ZNF799: variants seen among roughly 807,000 people sequenced by gnomAD.
ZNF799 encodes the protein zinc finger protein 14.
A neutral mutation model predicts 41.0 loss-of-function variants in ZNF799; 28 were observed. The ratio of observed to expected loss-of-function variants is 0.68; its 90% CI spans 0.51 to 0.94. The LOEUF is 0.94. Among genes scored for constraint, ZNF799 ranks in the 40% least tolerant of loss-of-function variants. The pLI is 0.00. For synonymous variants in ZNF799, 213 were observed against 252.9 expected (o/e 0.84, Z 1.50); for missense variants, 716 against 764.3 (o/e 0.94, Z 0.74).
At position 12,391,900 on chromosome 19, in the gene ZNF799, C is replaced by A. The variant is rs2144887725; in HGVS notation, c.498G>T (p.Lys166Asn). Reference sequence around the variant, plus strand: ...CACATTCTTTACAATTATATGGTTTCTTTCCAGTGTGAAGCCTCTCATGTG... The same window carrying A: ...CACATTCTTTACAATTATATGGTTTATTTCCAGTGTGAAGCCTCTCATGTG... ...LQTHERLHTG[K>N]KPYNCKECGK... is the part of the protein sequence containing the mutation. The change falls in exon 4 of 4, where the codon AAG becomes AAT. Residue 166 changes from lysine to asparagine, a missense_variant. This residue lies in a region of ZNF799 where 698 missense variants were observed against 713.6 expected (regional missense o/e 0.98). Coordinates refer to ENST00000430385, the MANE Select transcript of ZNF799 (RefSeq NM_001080821.3). 1.2e-6 allele frequency: 2 copies of A among 1,614,188 alleles called. No individual in the cohort carries two copies. Among genetic ancestry groups the A allele is most frequent in the Non-Finnish European group, 8.5e-7 (1 of 1,180,032 alleles).
At position 12,391,137 on chromosome 19, in the gene ZNF799, A is replaced by G. The variant is rs1464410955; in HGVS notation, c.1261T>C (p.Tyr421His). 2 of 1,614,202 alleles carry G rather than the reference A, an allele frequency of 1.2e-6. No individual in the cohort carries two copies. The highest frequency in any genetic ancestry group is 4.5e-5 in the East Asian group (2 of 44,888). Residue 421 changes from tyrosine (Y) to histidine (H), a missense_variant, in exon 4 of 4, where the codon TAT (tyrosine) becomes CAT (histidine). Transcript: ENST00000430385. ...HEKTHTAEKP[Y>H]KCKQCGKAYR... is the part of the protein sequence containing the mutation. ...GCTTTGCCACATTGTTTACATTTAT[A>G]GGGTTTCTCTGCAGTGTGAGTCTTT...
chr19:12,391,916 C>T lies in ZNF799; in HGVS notation c.482G>A (p.Arg161Lys), dbSNP rs779035591. 1.9e-6 allele frequency: 3 copies of T among 1,614,182 alleles called. No homozygotes were observed. The highest frequency in any genetic ancestry group is 2.2e-5 in the East Asian group (1 of 44,888). The change falls in exon 4 of 4, where the codon AGG (arginine) becomes AAG (lysine). Residue 161 changes from arginine (R) to lysine (K), a missense_variant. Arg to Lys is a conservative substitution (Grantham distance 26). Coordinates refer to ENST00000430385, the MANE Select transcript of ZNF799 (RefSeq NM_001080821.3). ...SYHNSLQTHE[R>K]LHTGKKPYNC... ...ATATGGTTTCTTTCCAGTGTGAAGC[C>T]TCTCATGTGTTTGAAGTGAGTTGTG... is the stretch of plus-strand genomic sequence containing the variant.
chr19:12,401,282 A>G (rs1969982067), upstream of ZNF799: 3 of 1,356,204 alleles, frequency 2.2e-6, no homozygotes, highest in East Asian at 7.6e-5. Flanking sequence ...AGTTCCCACG[A>G]ACCCGCCCCA....
chr19:12,394,473 G>A lies in ZNF799; in HGVS notation c.4-1050C>T, dbSNP rs552171005. The A allele has an allele frequency of 4.7e-5, 30 of 640,432 alleles. No homozygotes were observed. The South Asian group carries it at 1.1e-3, about 22-fold the overall frequency. The allele number at this position is 640,432 out of a possible 1,614,324, so 39.7% of individuals were successfully genotyped here. ...ACTTTCTGGGTAGATAACATTTCAC[G>A]TTTTGTTGCAACTTGTTATTTGGGG... On this transcript the variant is annotated intron_variant, in intron 1 of 3. Coordinates refer to ENST00000430385, the MANE Select transcript of ZNF799 (RefSeq NM_001080821.3).
intron 1 of ZNF799, chr19:12,400,694 A>G (rs1969965740): frequency 6.9e-6 from 3 of 433,704 alleles, no homozygotes; most frequent in Non-Finnish European, 1.2e-5. Flanking sequence ...AGGGAGGCGG[A>G]TCTGGGGTGT....
Position 12,400,629 on chromosome 19 carries a change from C to T in ZNF799, c.3+439G>A, listed in dbSNP as rs1969964209. On this transcript the variant is annotated intron_variant, in intron 1 of 3. Transcript: ENST00000430385. ...TGTCCCAGGATTCACCCCTCACTTC[C>T]CCACCAACCAACGACCCTACACCCA... 3.0e-5 allele frequency: 8 copies of T among 268,184 alleles called. No individual in the cohort carries two copies. The South Asian group carries it at 4.2e-4, about 14-fold the overall frequency. The allele number at this position is 268,184 out of a possible 1,614,324, so 16.6% of individuals were successfully genotyped here.
intron 1 of ZNF799, among the ~76,000 whole-genome samples, chr19:12,400,126 A>C (rs1599609430): frequency 6.6e-6 from 1 of 152,250 alleles, no homozygotes; most frequent in African/African-American, 2.4e-5. Context: ...CCCTAGGAGG[A>C]GTCAGGATGA....
intron 1 of ZNF799, among the ~76,000 whole-genome samples, chr19:12,398,575 T>C (rs1969933273): frequency 6.6e-6 from 1 of 152,208 alleles, no homozygotes; most frequent in Non-Finnish European, 1.5e-5. Context: ...AAAATAATTA[T>C]ATTTTACTTC....
At position 12,391,757 on chromosome 19, in the gene ZNF799, A is replaced by G. The variant is rs8102416; in HGVS notation, c.641T>C (p.Met214Thr). The G allele has an allele frequency of 0.011, 18,268 of 1,613,990 alleles. 1,649 individuals carry two copies. In the African/African-American group the frequency reaches 0.21, roughly 18 times the overall value. ...CTCTCCAGTGTGCGTTCTCTCATGC[A>G]TATGTAATAAACTGGGCCAAAAAAA... The part of the protein sequence containing the change: ...KAFFWPSLLH[M>T]HERTHTGEKP... Residue 214 changes from methionine (M) to threonine (T), a missense_variant, in exon 4 of 4, where the codon ATG (methionine) becomes ACG (threonine). Around this residue, in one of 2 missense-constraint regions of ZNF799, gnomAD observed 698 missense variants for 713.6 expected, o/e 0.98. Transcript: ENST00000430385.
chr19:12,407,101 G>A, the ZNF799 span, among the ~76,000 whole-genome samples: 11 of 152,118 alleles, frequency 7.2e-5, no homozygotes, highest in African/African-American at 2.7e-4. Flanking sequence ...ATGAGAGAAT[G>A]TGTGACTGGT....
At chr19:12,394,541 G>T in intron 1 of ZNF799, 1 of 974,060 alleles carries the variant, frequency 1.0e-6, no homozygotes, top group South Asian at 4.8e-5. Flanking sequence ...GAGAATATTT[G>T]GAAGCTGGCA....
At chr19:12,400,921 G>C (rs1043889744) in intron 1 of ZNF799, 147 bp downstream of exon 1, 1 of 1,457,282 alleles carries the variant, frequency 6.9e-7, no homozygotes, top group African/African-American at 1.4e-5. Context: ...GCCCCACCCT[G>C]CGGCCGAGGG....
intron 2 of ZNF799, among the ~76,000 whole-genome samples, chr19:12,392,927 T>C (rs1969846379): frequency 6.6e-6 from 1 of 152,248 alleles, no homozygotes; most frequent in African/African-American, 2.4e-5. Context: ...ATGAAAACCT[T>C]TCTGATGATG....
upstream of ZNF799, among the ~76,000 whole-genome samples, chr19:12,401,569 C>CGAGAGAGAGG (rs1555762547): frequency 6.4e-5 from 5 of 78,458 alleles, no homozygotes; most frequent in African/African-American, 2.7e-4. Context: ...TTTTTTTTTC[C>CGAGAGAGAGG]GAGAGAGAGA....
chr19:12,413,319 A>G, the ZNF799 span, among the ~76,000 whole-genome samples: 1 of 152,186 alleles, frequency 6.6e-6, no homozygotes, highest in African/African-American at 2.4e-5. Context: ...CCCTTCTCCT[A>G]AAGGTTCTTA....
intron 1 of ZNF799, among the ~76,000 whole-genome samples, chr19:12,397,036 A>G (rs1179804732): frequency 6.6e-6 from 1 of 152,280 alleles, no homozygotes; most frequent in East Asian, 1.9e-4. Context: ...CCTATTGGAT[A>G]TCATAAAGGT....
the ZNF799 span, among the ~76,000 whole-genome samples, chr19:12,407,683 G>A: frequency 6.6e-6 from 1 of 152,130 alleles, no homozygotes; most frequent in African/African-American, 2.4e-5. Flanking sequence ...AATGTATTGG[G>A]TAGTTTAGCT....
upstream of ZNF799, among the ~76,000 whole-genome samples, chr19:12,401,541 C>CTTTT (rs769048606): frequency 9.6e-5 from 4 of 41,744 alleles, no homozygotes; most frequent in African/African-American, 4.3e-4. Context: ...AACAATTATA[C>CTTTT]TTTTTTTTTT....
chr19:12,394,646 T>C, intron 1 of ZNF799: 3 of 985,292 alleles, frequency 3.0e-6, no homozygotes, highest in Non-Finnish European at 3.6e-6. Flanking sequence ...ACATTTTGAG[T>C]AACGCCAAAG....
Sources: gnomAD v4.1 joint callset for allele counts (sites outside exome capture counted in the v4.1 genomes callset) on GRCh38, gnomAD v4.1.1 for gene constraint, gnomAD v4.1.1 regional missense constraint, MANE v1.5 for transcripts, NCBI Gene and HGNC (gene_info 2026-07-23, HGNC 2026-07-21) for gene names.